Variants in CRIM1 observed in about 807,000 individuals in gnomAD.
The protein encoded by CRIM1 is cysteine-rich motor neuron 1 protein.
CRIM1 carries 32 observed loss-of-function variants against 116.4 expected under a neutral mutation model. The ratio of observed to expected loss-of-function variants is 0.27; its 90% CI spans 0.21 to 0.37. CRIM1 has a LOEUF of 0.37. CRIM1 is among the 10% of genes least tolerant of loss of function. The probability of loss-of-function intolerance (pLI) is 1.00; values close to 1 mark genes in which losing one functional copy is unlikely to be tolerated. For synonymous variants in CRIM1, 590 were observed against 509.2 expected (o/e 1.16, Z -2.13); for missense variants, 1,331 against 1,354.8 (o/e 0.98, Z 0.28).
intron 4 of CRIM1, among the ~76,000 whole-genome samples, chr2:36,445,425 G>A (rs932199849): frequency 3.3e-5 from 5 of 152,058 alleles, no homozygotes; most frequent in African/African-American, 9.7e-5. Flanking sequence ...CTCTGTCCAC[G>A]TGGTCTTCAT....
chr2:36,502,217 G>A (rs1252650811), intron 8 of CRIM1, among the ~76,000 whole-genome samples: 1 of 152,166 alleles, frequency 6.6e-6, no homozygotes. Context: ...TCATCATTAA[G>A]TTCAAAGAAG....
At chr2:36,361,762 G>C (rs1669238777) in intron 1 of CRIM1, among the ~76,000 whole-genome samples, 1 of 152,162 alleles carries the variant, frequency 6.6e-6, no homozygotes, top group Non-Finnish European at 1.5e-5. Context: ...GTGGTAAAAT[G>C]AGTGGAAGGG....
intron 7 of CRIM1, among the ~76,000 whole-genome samples, chr2:36,498,581 C>T (rs1056139536): frequency 6.6e-6 from 1 of 152,156 alleles, no homozygotes; most frequent in African/African-American, 2.4e-5. Context: ...TGCCCTTATT[C>T]CCAGCATGGC....
intron 15 of CRIM1, 77 bp from the exon 16 acceptor site, chr2:36,546,907 C>CT (rs1016116041): frequency 7.2e-6 from 6 of 829,386 alleles, no homozygotes; most frequent in Non-Finnish European, 9.5e-6. Flanking sequence ...TTGCTGATCT[C>CT]TATTTGCAAT....
intron 5 of CRIM1, among the ~76,000 whole-genome samples, chr2:36,475,120 C>G (rs971383702): frequency 6.6e-5 from 10 of 152,168 alleles, no homozygotes; most frequent in Non-Finnish European, 1.2e-4. Context: ...ATCAGCTTAT[C>G]AATTTCTACA....
intron 1 of CRIM1, among the ~76,000 whole-genome samples, chr2:36,365,376 G>A (rs908056958): frequency 6.6e-5 from 10 of 152,170 alleles, no homozygotes; most frequent in African/African-American, 2.2e-4. Flanking sequence ...CACTGGAGAC[G>A]TTGGAGACCC....
chr2:36,545,026 C>T (rs1434297489), intron 15 of CRIM1, among the ~76,000 whole-genome samples: 5 of 152,102 alleles, frequency 3.3e-5, no homozygotes, highest in African/African-American at 4.8e-5. Context: ...TCAGTCTGTG[C>T]GTAATAAAGA....
intron 1 of CRIM1, among the ~76,000 whole-genome samples, chr2:36,357,094 C>T (rs975664824): frequency 2.6e-5 from 4 of 152,174 alleles, no homozygotes; most frequent in East Asian, 3.9e-4. Context: ...GCGGAGGAGA[C>T]GTGTCTCCAG....
chr2:36,383,587 C>T (rs1670948106), intron 1 of CRIM1, among the ~76,000 whole-genome samples: 1 of 152,136 alleles, frequency 6.6e-6, no homozygotes, highest in African/African-American at 2.4e-5. Flanking sequence ...TTGGGGCCTG[C>T]TGTGTGTTCA....
At chr2:36,473,101 T>A (rs901615142) in intron 5 of CRIM1, among the ~76,000 whole-genome samples, 1 of 152,224 alleles carries the variant, frequency 6.6e-6, no homozygotes, top group Non-Finnish European at 1.5e-5. Flanking sequence ...CTGGTACTAA[T>A]AATACTCGTT....
chr2:36,526,931 G>A (rs893776893), intron 13 of CRIM1, among the ~76,000 whole-genome samples: 1 of 152,294 alleles, frequency 6.6e-6, no homozygotes, highest in African/African-American at 2.4e-5. Context: ...CAGGACTGAC[G>A]TTGAATAAAT....
intron 2 of CRIM1, among the ~76,000 whole-genome samples, chr2:36,420,624 T>C (rs1313816994): frequency 6.6e-6 from 1 of 152,192 alleles, no homozygotes; most frequent in African/African-American, 2.4e-5. Context: ...TGCCTAACTC[T>C]TTTCAAAAGT....
At chr2:36,408,604 G>T (rs1672988171) in intron 2 of CRIM1, among the ~76,000 whole-genome samples, 1 of 152,216 alleles carries the variant, frequency 6.6e-6, no homozygotes, top group South Asian at 2.1e-4. Context: ...GTCCACAGGG[G>T]TTCTCCGCCT....
At position 36,476,976 on chromosome 2, in the gene CRIM1, A is replaced by T; in HGVS notation, c.1079A>T (p.Gln360Leu). The change falls in exon 6 of 17, where the codon CAA (glutamine) becomes CTA (leucine). Residue 360 changes from glutamine (Q) to leucine (L), a missense_variant. Physicochemically the swap from Gln to Leu is moderately radical, Grantham distance 113. Transcript: ENST00000280527. ...GACAACTGTCGGTTCTGTCGATGCCAAGGGGGCGTTGCCATCTGCTTCACC... is the reference window on the plus strand; with the variant it reads ...GACAACTGTCGGTTCTGTCGATGCCTAGGGGGCGTTGCCATCTGCTTCACC... ...RMDNCRFCRCQGGVAICFTAQ... is the reference protein window; with the variant it reads ...RMDNCRFCRCLGGVAICFTAQ... 6.2e-7 allele frequency: 1 copy of T among 1,614,092 alleles called. No homozygotes were observed. Among genetic ancestry groups the T allele is most frequent in the Non-Finnish European group, 8.5e-7 (1 of 1,179,918 alleles).
chr2:36,488,632 A>G (rs540147286), intron 7 of CRIM1, among the ~76,000 whole-genome samples: 1 of 152,340 alleles, frequency 6.6e-6, no homozygotes, highest in East Asian at 1.9e-4. Flanking sequence ...TTTATTTACC[A>G]TTTATATCTA....
intron 2 of CRIM1, among the ~76,000 whole-genome samples, chr2:36,404,163 G>C (rs1402138404): frequency 1.3e-5 from 2 of 152,156 alleles, no homozygotes; most frequent in African/African-American, 4.8e-5. Flanking sequence ...GAAAATCCAA[G>C]GGTTGCTACT....
At chr2:36,383,003 A>G (rs1199787916) in intron 1 of CRIM1, among the ~76,000 whole-genome samples, 1 of 152,220 alleles carries the variant, frequency 6.6e-6, no homozygotes, top group Non-Finnish European at 1.5e-5. Flanking sequence ...TAAAATAGTA[A>G]TTAGAGGTAT....
chr2:36,504,416 A>G (rs1383693509), intron 8 of CRIM1, among the ~76,000 whole-genome samples: 1 of 152,234 alleles, frequency 6.6e-6, no homozygotes, highest in Non-Finnish European at 1.5e-5. Flanking sequence ...AGGCAGTCAC[A>G]TTAGGATTGA....
chr2:36,369,411 C>G (rs975182790), intron 1 of CRIM1, among the ~76,000 whole-genome samples: 1 of 152,196 alleles, frequency 6.6e-6, no homozygotes, highest in Non-Finnish European at 1.5e-5. Context: ...CATGTTCTTT[C>G]CAGCAAGGAT....
Sources: gnomAD v4.1 joint callset for allele counts (sites outside exome capture counted in the v4.1 genomes callset) on GRCh38, gnomAD v4.1.1 for gene constraint, MANE v1.5 for transcripts, NCBI Gene and HGNC (gene_info 2026-07-23, HGNC 2026-07-21) for gene names.